Variants in NUP37 observed in about 807,000 individuals in gnomAD.
The protein encoded by NUP37 is nucleoporin Nup37.
In NUP37, 33 loss-of-function variants were observed where a neutral mutation model predicts 45.4. The observed-to-expected ratio is 0.73, with a 90% CI of 0.55 to 0.97. The LOEUF (loss-of-function observed/expected upper bound fraction) is 0.97, where lower values mean the gene tolerates loss of function less well. NUP37 is among the 50% of genes least tolerant of loss of function. The pLI, the probability that NUP37 is intolerant of heterozygous loss-of-function variation, is 0.00. For synonymous variants in NUP37, 127 were observed against 130.7 expected, an observed-to-expected ratio of 0.97 and a Z score of 0.19; for missense variants, 365 against 389.7, an observed-to-expected ratio of 0.94 and a Z score of 0.53.
chr12:102,101,538 C>A (rs1388512067), intron 3 of NUP37, among the ~76,000 whole-genome samples: 1 of 152,000 alleles, frequency 6.6e-6, no homozygotes, highest in African/African-American at 2.4e-5. Context: ...TATCCATAAT[C>A]CTTAGTTTTT....
At chr12:102,074,954 AT>A in intron 9 of NUP37, 46 bp downstream of exon 9, 10 of 1,269,106 alleles carry the variant, frequency 7.9e-6, no homozygotes, top group Non-Finnish European at 7.6e-6. Flanking sequence ...AAAAACACAA[AT>A]TAAAAAAAAA....
At chr12:102,089,883 T>G (rs1879598079) in intron 5 of NUP37, among the ~76,000 whole-genome samples, 1 of 152,248 alleles carries the variant, frequency 6.6e-6, no homozygotes, top group African/African-American at 2.4e-5. Flanking sequence ...TTTCCAATTT[T>G]TGGTCGTCAC....
rs1003877151 is a variant in NUP37 at position 102,120,093 on chromosome 12, G to A, written c.-109C>T. ...GACCAGAGGCAGGCTGGTCTTCCTT[G>A]GGGGCTGCCGCGACGCGCTGTGGCT... is the stretch of plus-strand genomic sequence containing the variant. On this transcript the variant is annotated 5_prime_UTR_variant, in exon 1 of 10. Transcript: ENST00000552283. The A allele has an allele frequency of 4.6e-5, 8 of 172,392 alleles. No individual in the cohort carries two copies. The highest frequency in any genetic ancestry group is 1.4e-4 in the African/African-American group (6 of 41,668). 10.7% of individuals were successfully genotyped at this position (172,392 alleles called of 1,614,324 possible). A position where few individuals can be genotyped will look rare whatever the true frequency, so the allele number is the denominator to read the frequency against.
intron 5 of NUP37, among the ~76,000 whole-genome samples, chr12:102,096,005 GAAGA>G (rs921650451): frequency 3.3e-5 from 5 of 152,060 alleles, no homozygotes; most frequent in South Asian, 2.1e-4. Flanking sequence ...TTGTAAAGAA[GAAGA>G]AAGACTACCT....
At chr12:102,115,761 ATCTT>A in intron 2 of NUP37, 1 of 876,126 alleles carries the variant, frequency 1.1e-6, no homozygotes, top group Non-Finnish European at 1.4e-6. Context: ...AATAAGGATT[ATCTT>A]TCTGTCAGGA....
chr12:102,105,132 C>T (rs770849443), intron 3 of NUP37, among the ~76,000 whole-genome samples: 7 of 152,178 alleles, frequency 4.6e-5, no homozygotes, highest in African/African-American at 9.7e-5. Flanking sequence ...AGCTTTTAGT[C>T]TTTGGCTTCG....
At chr12:102,099,714 T>C (rs1879917967) in intron 4 of NUP37, among the ~76,000 whole-genome samples, 1 of 152,218 alleles carries the variant, frequency 6.6e-6, no homozygotes, top group Admixed American at 6.5e-5. Context: ...CTAGTTGTTA[T>C]AAGCCCATAG....
intron 2 of NUP37, among the ~76,000 whole-genome samples, chr12:102,118,077 C>A (rs950127368): frequency 6.6e-6 from 1 of 151,954 alleles, no homozygotes; most frequent in Non-Finnish European, 1.5e-5. Flanking sequence ...TTGTTTTTTT[C>A]CTGTACATAC....
chr12:102,106,675 G>C (rs906290106), intron 3 of NUP37, among the ~76,000 whole-genome samples: 9 of 152,134 alleles, frequency 5.9e-5, no homozygotes, highest in Admixed American at 3.9e-4. Context: ...AAAAATAGGT[G>C]CTTTGATTTG....
intron 3 of NUP37, among the ~76,000 whole-genome samples, chr12:102,109,871 C>CT (rs1880261386): frequency 6.6e-6 from 1 of 152,186 alleles, no homozygotes; most frequent in East Asian, 1.9e-4. Flanking sequence ...GGGAAGAAGA[C>CT]TGTTTCCACA....
chr12:102,111,317 G>A (rs1001480488), intron 3 of NUP37, among the ~76,000 whole-genome samples: 17 of 152,158 alleles, frequency 1.1e-4, no homozygotes, highest in Non-Finnish European at 1.9e-4. Context: ...GAAGTATGAC[G>A]AAACTTTCTT....
At chr12:102,086,387 C>T (rs1594387259) in intron 5 of NUP37, among the ~76,000 whole-genome samples, 2 of 152,306 alleles carry the variant, frequency 1.3e-5, no homozygotes, top group South Asian at 4.1e-4. Context: ...TTTAGGATTC[C>T]AACCCAGTGG....
At chr12:102,114,703 T>G (rs984996273) in intron 2 of NUP37, among the ~76,000 whole-genome samples, 1 of 152,220 alleles carries the variant, frequency 6.6e-6, no homozygotes, top group South Asian at 2.1e-4. Flanking sequence ...GACTGTGAAG[T>G]TTCTCTAGTT....
At position 102,105,681 on chromosome 12, in the gene NUP37, C is replaced by T. The variant is rs147838891; in HGVS notation, c.282-4577G>A. 5.9e-3 allele frequency among the ~76,000 whole-genome samples: 900 copies of T among 151,894 alleles called. 11 individuals are homozygous for T. The highest frequency in any genetic ancestry group is 0.02 in the African/African-American group (836 of 41,416). On this transcript the variant is annotated intron_variant, in intron 3 of 9. Transcript: ENST00000552283. ...TTTGAGACCAGCCTGGTCAACACGGCGAAATCCCATCTCTACTAAAAACAC... is the reference window on the plus strand; with the variant it reads ...TTTGAGACCAGCCTGGTCAACACGGTGAAATCCCATCTCTACTAAAAACAC...
intron 2 of NUP37, among the ~76,000 whole-genome samples, chr12:102,117,279 C>G (rs922904292): frequency 2.0e-5 from 3 of 151,654 alleles, no homozygotes; most frequent in Non-Finnish European, 4.4e-5. Flanking sequence ...CATCATGAAA[C>G]CCCCTACTAA....
chr12:102,096,093 A>C (rs1310796624), intron 5 of NUP37, among the ~76,000 whole-genome samples: 1 of 152,158 alleles, frequency 6.6e-6, no homozygotes, highest in Non-Finnish European at 1.5e-5. Flanking sequence ...CTTTTATAGA[A>C]TATATCATAA....
At chr12:102,095,854 T>C (rs972020342) in intron 5 of NUP37, among the ~76,000 whole-genome samples, 1 of 152,110 alleles carries the variant, frequency 6.6e-6, no homozygotes, top group African/African-American at 2.4e-5. Context: ...CTCAGCGCTA[T>C]GACACTGTAG....
At position 102,101,988 on chromosome 12, in the gene NUP37, G is replaced by T. The variant is rs555428360; in HGVS notation, c.282-884C>A. 8.5e-5 allele frequency among the ~76,000 whole-genome samples: 13 copies of T among 152,276 alleles called. No homozygotes were observed. The South Asian group carries it at 2.7e-3, about 32-fold the overall frequency. On this transcript the variant is annotated intron_variant, in intron 3 of 9. Coordinates refer to ENST00000552283, the MANE Select transcript of NUP37 (RefSeq NM_024057.4). ...GATCCGCCCATCTTGGCCTCCCAAAGTGCTGGGATTACAGGCATGAGCCAC... is the reference window on the plus strand; with the variant it reads ...GATCCGCCCATCTTGGCCTCCCAAATTGCTGGGATTACAGGCATGAGCCAC...
At chr12:102,097,494 A>G (rs547299455) in intron 5 of NUP37, among the ~76,000 whole-genome samples, 1 of 152,294 alleles carries the variant, frequency 6.6e-6, no homozygotes, top group African/African-American at 2.4e-5. Context: ...AAAGTTAGCA[A>G]CCCTATGTCA....
Sources: allele counts gnomAD v4.1 joint callset (sites outside exome capture counted in the v4.1 genomes callset), GRCh38; gene constraint gnomAD v4.1.1; transcripts MANE v1.5; gene names NCBI Gene and HGNC (gene_info 2026-07-23, HGNC 2026-07-21).